The following POLM variants were observed in gnomAD, a reference collection of about 807,000 sequenced individuals.
The protein encoded by POLM is DNA-directed DNA/RNA polymerase mu.
POLM carries 52 observed loss-of-function variants against 56.7 expected under a neutral mutation model. The ratio of observed to expected loss-of-function variants is 0.92; its 90% CI spans 0.73 to 1.15. The LOEUF is 1.15. POLM is among the 50% of genes most tolerant of loss of function. The pLI is 0.00. For missense variants in POLM, 660 were observed against 663.6 expected (o/e 0.99, Z 0.06); for synonymous variants, 273 against 274.3 (o/e 1.00, Z 0.05).
rs186260063 is a variant in POLM, at chr7:44,076,747, A to C, written c.715-118T>G. The C allele has an allele frequency of 5.6e-4, 720 of 1,277,650 alleles. 2 individuals are homozygous for C. Among genetic ancestry groups the C allele is most frequent in the Admixed American group, 1.1e-3 (52 of 47,988 alleles). 79.1% of individuals were successfully genotyped at this position (1,277,650 alleles called of 1,614,324 possible). On this transcript the variant is annotated intron_variant, in intron 5 of 10. Coordinates refer to ENST00000242248, the MANE Select transcript of POLM (RefSeq NM_013284.4). ...CATGCACCAGGCAGGCGCCGTCCCC[A>C]CTCGCAACCTGCCGTAGACCACAGG...
At position 44,080,738 on chromosome 7, in the gene POLM, G is replaced by A; in HGVS notation, c.367C>T (p.Leu123=). The A allele has an allele frequency of 6.2e-7, 1 of 1,614,032 alleles. No individual in the cohort carries two copies. The highest frequency in any genetic ancestry group is 2.2e-5 in the East Asian group (1 of 44,886). ...QPVPVECRHR[L]EVAGPRKGPL... ...TAGTCTTCCACCCAGCTCACCTCCA[G>A]GCGGTGCCGGCACTCCACAGGTACA... Residue 123 remains leucine (L), a synonymous_variant, in exon 2 of 11, where the codon CTG becomes TTG. Coordinates refer to ENST00000242248, the MANE Select transcript of POLM (RefSeq NM_013284.4).
chr7:44,076,287 C>T, intron 6 of POLM: 3 of 513,840 alleles, frequency 5.8e-6, no homozygotes, highest in Non-Finnish European at 1.0e-5. Context: ...CAGACACAAG[C>T]CCCTGGCATA....
chr7:44,076,670 T>A, intron 5 of POLM, 41 bp from the exon 6 acceptor site: 3 of 1,609,486 alleles, frequency 1.9e-6, no homozygotes, highest in Non-Finnish European at 2.5e-6. Context: ...AGAGCTCTCA[T>A]GGCTAGACTC....
intron 5 of POLM, among the ~76,000 whole-genome samples, chr7:44,077,297 G>GC (rs575652443): frequency 9.8e-5 from 15 of 152,330 alleles, no homozygotes; most frequent in Middle Eastern, 3.4e-3. Context: ...AGAGGGCGAA[G>GC]CCACCGTGCA....
rs750258630 is a variant in POLM, at chr7:44,082,393, C to T, written c.46G>A (p.Asp16Asn). ...GAGGGCGGCGTGGAGGAAGCGGCAT[C>T]GCCGCTAGGGGACCCGACCCGCGCT... The part of the protein sequence containing the change: ...RRARVGSPSG[D>N]AASSTPPSTR... Residue 16 changes from aspartate to asparagine, a missense_variant, in exon 1 of 11, where the codon GAT becomes AAT. Physicochemically the swap from Asp to Asn is conservative, Grantham distance 23 (BLOSUM62 1). Transcript: ENST00000242248. The T allele has an allele frequency of 2.6e-6, 4 of 1,519,366 alleles. No homozygotes were observed. In the Admixed American group the frequency reaches 6.8e-5, roughly 26 times the overall value. 94.1% of individuals were successfully genotyped at this position (1,519,366 alleles called of 1,614,324 possible). A position where few individuals can be genotyped will look rare whatever the true frequency, so the allele number is the denominator to read the frequency against.
rs200893889 is a variant in POLM, at chr7:44,074,233, C to G, written c.969G>C (p.Arg323Ser). ...ATVTLTGGFR[R>S]GKLQGHDVDF... Reference sequence around the variant, plus strand: ...CCACGTCATGGCCCTGCAACTTCCCCCTGAGGGCGTCAGTCTGACTCTGAC... The same window carrying G: ...CCACGTCATGGCCCTGCAACTTCCCGCTGAGGGCGTCAGTCTGACTCTGAC... The change falls in exon 8 of 11, where the codon AGG becomes AGC. Residue 323 changes from arginine to serine, a missense_variant and splice_region_variant. Coordinates refer to ENST00000242248, the MANE Select transcript of POLM (RefSeq NM_013284.4). 5.8e-5 allele frequency: 92 copies of G among 1,573,636 alleles called. No individual in the cohort carries two copies. In the Admixed American group the frequency reaches 1.4e-3, roughly 24 times the overall value.
chr7:44,074,028 G>C lies in POLM; in HGVS notation c.1072-3C>G. The stretch of plus-strand genomic sequence containing the variant: ...TGCTGGTGGTACAGGATGAGGCCCT[G>C]TGGGGAGAGGCGGGCGTGGCTGAGA... On this transcript the variant is annotated splice_polypyrimidine_tract_variant and splice_region_variant and intron_variant, in intron 8 of 10. Transcript: ENST00000242248. The C allele has an allele frequency of 6.2e-7, 1 of 1,613,352 alleles. No individual in the cohort carries two copies. The highest frequency in any genetic ancestry group is 8.5e-7 in the Non-Finnish European group (1 of 1,179,944).
At position 44,082,485 on chromosome 7, in the gene POLM, C is replaced by G. The variant is rs1379005086; in HGVS notation, c.-47G>C. The stretch of plus-strand genomic sequence containing the variant: ...CGCGGAGCGAACGCAGAGGGAAACT[C>G]CGAGCGAGACGGAAGGAAGCCCCAG... On this transcript the variant is annotated 5_prime_UTR_variant, in exon 1 of 11. Coordinates refer to ENST00000242248, the MANE Select transcript of POLM (RefSeq NM_013284.4). The G allele has an allele frequency of 3.2e-6, 3 of 932,238 alleles. No individual in the cohort carries two copies. The highest frequency in any genetic ancestry group is 2.7e-5 in the South Asian group (1 of 36,390). The allele number at this position is 932,238 out of a possible 1,614,324, so 57.7% of individuals were successfully genotyped here. A position where few individuals can be genotyped will look rare whatever the true frequency, so the allele number is the denominator to read the frequency against.
In POLM at chr7:44,079,661, C is replaced by T. The variant is rs141765566; in HGVS notation, c.552G>A (p.Ser184=). 2.8e-5 allele frequency: 45 copies of T among 1,613,526 alleles called. No individual in the cohort carries two copies. In the African/African-American group the frequency reaches 3.2e-4, roughly 11 times the overall value. The stretch of plus-strand genomic sequence containing the variant: ...CAGGGCTGGGAAGGGCCTTGAGCAC[C>T]GAGGCTGCTCTGCAGAAGGTGAGGA... The part of the protein sequence containing the change: ...GRLLTFCRAA[S]VLKALPSPVT... The change falls in exon 4 of 11, where the codon TCG becomes TCA. Residue 184 remains serine, a synonymous_variant. Transcript: ENST00000242248.
chr7:44,080,830 G>C lies in POLM; in HGVS notation c.275C>G (p.Pro92Arg), dbSNP rs376249913. ...CAGCAGAGCTGGGGGGGTGCAACCC[G>C]GGGGAGCAGCTGCCATCCTGCGCTC... The part of the protein sequence containing the change: ...WQERRMAAAP[P>R]GCTPPALLDI... The change falls in exon 2 of 11, where the codon CCG (proline) becomes CGG (arginine). Residue 92 changes from proline (P) to arginine (R), a missense_variant. By Grantham distance (103) the Pro-to-Arg change is moderately radical (BLOSUM62 -2). Transcript: ENST00000242248. 12 of 1,612,498 alleles carry C rather than the reference G, an allele frequency of 7.4e-6. No homozygotes were observed. Among genetic ancestry groups the C allele is most frequent in the African/African-American group, 1.3e-5 (1 of 74,872 alleles).
Position 44,072,378 on chromosome 7 carries a change from A to G in POLM, c.*913T>C, listed in dbSNP as rs1275725379. 1 of 152,254 alleles carries G rather than the reference A, an allele frequency of 6.6e-6. No individual in the cohort carries two copies. 9.4% of individuals were successfully genotyped at this position (152,254 alleles called of 1,614,324 possible). ...TCCAGGTAGATGACATGGCCAGGGCAAAACCTGAGGCCAGAGTGTGCCTGG... is the reference window on the plus strand; with the variant it reads ...TCCAGGTAGATGACATGGCCAGGGCGAAACCTGAGGCCAGAGTGTGCCTGG... On this transcript the variant is annotated 3_prime_UTR_variant, in exon 11 of 11. Transcript: ENST00000242248.
At position 44,073,395 on chromosome 7, in the gene POLM, C is replaced by T; in HGVS notation, c.1399-18G>A. 6.2e-7 allele frequency: 1 copy of T among 1,611,844 alleles called. No homozygotes were observed. The highest frequency in any genetic ancestry group is 2.2e-5 in the East Asian group (1 of 44,856). On this transcript the variant is annotated intron_variant, in intron 10 of 10. Coordinates refer to ENST00000242248, the MANE Select transcript of POLM (RefSeq NM_013284.4). ...AATGTCTTCTGCAACAGAAGCAGGACTTCCGTGACCTAGGAGTCTTGCCAC... is the reference window on the plus strand; with the variant it reads ...AATGTCTTCTGCAACAGAAGCAGGATTTCCGTGACCTAGGAGTCTTGCCAC...
intron 1 of POLM, among the ~76,000 whole-genome samples, chr7:44,081,368 C>T (rs867649984): frequency 1.3e-5 from 2 of 152,218 alleles, no homozygotes; most frequent in South Asian, 4.1e-4. Context: ...AACATATCCA[C>T]CCTGTGGGGT....
At position 44,072,330 on chromosome 7, in the gene POLM, G is replaced by C. The variant is rs1029513773; in HGVS notation, c.*961C>G. ...CTAACAAAGTGGCTTTTGATTCAAG[G>C]CCTGAAGAAGGGGAGGGCCCACTCC... On this transcript the variant is annotated 3_prime_UTR_variant, in exon 11 of 11. Coordinates refer to ENST00000242248, the MANE Select transcript of POLM (RefSeq NM_013284.4). 6.6e-5 allele frequency: 10 copies of C among 152,232 alleles called. No homozygotes were observed. The highest frequency in any genetic ancestry group is 2.2e-4 in the African/African-American group (9 of 41,458). 9.4% of individuals were successfully genotyped at this position (152,232 alleles called of 1,614,324 possible).
rs2128799532 is a variant in POLM at position 44,073,613 on chromosome 7, C to T, written c.1398+12G>A. The T allele has an allele frequency of 6.2e-7, 1 of 1,613,594 alleles. No homozygotes were observed. The highest frequency in any genetic ancestry group is 1.1e-5 in the South Asian group (1 of 91,032). ...GGGTGCTGTTTGCTGTCCCCAGTCC[C>T]CAACAATGTACCTGCTCCGGGTCAA... On this transcript the variant is annotated intron_variant, in intron 10 of 10. Coordinates refer to ENST00000242248, the MANE Select transcript of POLM (RefSeq NM_013284.4).
At chr7:44,076,077 G>A (rs909244127) in intron 6 of POLM, 1 of 159,614 alleles carries the variant, frequency 6.3e-6, no homozygotes. Context: ...CAGACTCAGA[G>A]AGGTTATTTC....
chr7:44,075,928 A>G (rs1170799170), intron 6 of POLM: 3 of 152,428 alleles, frequency 2.0e-5, no homozygotes, highest in African/African-American at 4.8e-5. Flanking sequence ...TCGTAGAGAC[A>G]GGGTTTCACC....
At position 44,079,555 on chromosome 7, in the gene POLM, G is replaced by A; in HGVS notation, c.642+16C>T. 1 of 1,611,218 alleles carries A rather than the reference G, an allele frequency of 6.2e-7. No individual in the cohort carries two copies. Among genetic ancestry groups the A allele is most frequent in the South Asian group, 1.1e-5 (1 of 91,022 alleles). On this transcript the variant is annotated intron_variant, in intron 4 of 10. Coordinates refer to ENST00000242248, the MANE Select transcript of POLM (RefSeq NM_013284.4). ...CCCACCCACCCACTCACCCTGCTAGGATGGTAAGCACCTACCTGGACAACC... is the reference window on the plus strand; with the variant it reads ...CCCACCCACCCACTCACCCTGCTAGAATGGTAAGCACCTACCTGGACAACC...
At position 44,073,375 on chromosome 7, in the gene POLM, C is replaced by A. The variant is rs768402730; in HGVS notation, c.1401G>T (p.Lys467Asn). 5.0e-6 allele frequency: 8 copies of A among 1,613,822 alleles called. No individual in the cohort carries two copies. Among genetic ancestry groups the A allele is most frequent in the Non-Finnish European group, 6.8e-6 (8 of 1,179,922 alleles). ...NSHGLFDPEQ[K>N]TFFQAASEED... is the part of the protein sequence containing the mutation. ...CCTCTGAAGCCGCTTGGAAAAATGTCTTCTGCAACAGAAGCAGGACTTCCG... is the reference window on the plus strand; with the variant it reads ...CCTCTGAAGCCGCTTGGAAAAATGTATTCTGCAACAGAAGCAGGACTTCCG... The change falls in exon 11 of 11, where the codon AAG (lysine) becomes AAT (asparagine). Residue 467 changes from lysine to asparagine, a missense_variant and splice_region_variant. By Grantham distance (94) the Lys-to-Asn change is moderately conservative (BLOSUM62 0). Coordinates refer to ENST00000242248, the MANE Select transcript of POLM (RefSeq NM_013284.4).
Sources: allele counts gnomAD v4.1 joint callset (sites outside exome capture counted in the v4.1 genomes callset), GRCh38; gene constraint gnomAD v4.1.1; transcripts MANE v1.5; gene names NCBI Gene and HGNC (gene_info 2026-07-23, HGNC 2026-07-21).